Variants in ASIC2 observed in about 807,000 individuals in gnomAD.
The protein encoded by ASIC2 is acid sensing ion channel subunit 2, also known as acid-sensing ion channel 2.
A neutral mutation model predicts 57.3 loss-of-function variants in ASIC2; 25 were observed. That is an observed-to-expected ratio of 0.44 (90% CI 0.32 to 0.61). The LOEUF (loss-of-function observed/expected upper bound fraction) is 0.61. Among genes scored for constraint, ASIC2 ranks in the 20% least tolerant of loss-of-function variants. The probability of loss-of-function intolerance (pLI) is 0.06; values close to 1 mark genes in which losing one functional copy is unlikely to be tolerated. For missense variants in ASIC2, 641 were observed against 738.1 expected, an observed-to-expected ratio of 0.87 and a Z score of 1.52; for synonymous variants, 319 against 307.5, an observed-to-expected ratio of 1.04 and a Z score of -0.39.
At chr17:33,129,619 T>C (rs1384471348) in intron 1 of ASIC2, among the ~76,000 whole-genome samples, 4 of 152,148 alleles carry the variant, frequency 2.6e-5, no homozygotes, top group Non-Finnish European at 5.9e-5. Flanking sequence ...TTGTGTAGGG[T>C]AAACATACCT....
At chr17:34,099,509 GAA>G (rs757672081) in intron 1 of ASIC2, among the ~76,000 whole-genome samples, 22 of 119,710 alleles carry the variant, frequency 1.8e-4, no homozygotes, top group Non-Finnish European at 2.9e-4. Context: ...AAAGAGGAAA[GAA>G]GAGAAAGAAA....
chr17:33,741,313 A>T (rs1000354339), intron 1 of ASIC2, among the ~76,000 whole-genome samples: 1 of 152,204 alleles, frequency 6.6e-6, no homozygotes, highest in South Asian at 2.1e-4. Context: ...GTCACTGACT[A>T]TCTCTGGGCA....
At chr17:33,072,433 A>C (rs2092073029) in intron 3 of ASIC2, among the ~76,000 whole-genome samples, 1 of 152,128 alleles carries the variant, frequency 6.6e-6, no homozygotes, top group South Asian at 2.1e-4. Context: ...GGCCATCTCA[A>C]TAACAGGCTA....
intron 1 of ASIC2, among the ~76,000 whole-genome samples, chr17:33,128,443 G>A (rs1006093628): frequency 4.6e-5 from 7 of 152,232 alleles, no homozygotes; most frequent in African/African-American, 1.7e-4. Flanking sequence ...TCACTGGGAA[G>A]CAGAATGGGG....
At chr17:33,722,715 A>C (rs1341201967) in intron 1 of ASIC2, among the ~76,000 whole-genome samples, 1 of 152,178 alleles carries the variant, frequency 6.6e-6, no homozygotes, top group Non-Finnish European at 1.5e-5. Context: ...GTGAGCTATG[A>C]TTGTGCCATT....
At chr17:33,274,497 G>C (rs962916327) in intron 1 of ASIC2, among the ~76,000 whole-genome samples, 1 of 152,194 alleles carries the variant, frequency 6.6e-6, no homozygotes, top group Admixed American at 6.5e-5. Context: ...ATAATTGATA[G>C]CAAAAATCTA....
At chr17:33,699,535 C>T (rs1270374469) in intron 1 of ASIC2, among the ~76,000 whole-genome samples, 1 of 152,182 alleles carries the variant, frequency 6.6e-6, no homozygotes, top group East Asian at 1.9e-4. Context: ...AGAATAGCAA[C>T]ATAATATTTA....
chr17:33,651,224 G>C (rs960396243), intron 1 of ASIC2, among the ~76,000 whole-genome samples: 3 of 152,276 alleles, frequency 2.0e-5, no homozygotes, highest in Admixed American at 1.3e-4. Flanking sequence ...TAAGTGTATT[G>C]TGCCACTGTC....
rs769854799 is a variant in ASIC2, at chr17:33,028,234, G to A, written c.1138+8C>T. On this transcript the variant is annotated splice_region_variant and intron_variant, in intron 4 of 9. Transcript: ENST00000225823. ...AGGGCCCTGTGGCCACCCTGCCCTG[G>A]CACTGACCTGGCATGTGAACCATGC... is the stretch of plus-strand genomic sequence containing the variant. 1.7e-5 allele frequency: 27 copies of A among 1,613,454 alleles called. No homozygotes were observed. The highest frequency in any genetic ancestry group is 2.0e-5 in the Non-Finnish European group (24 of 1,179,896).
chr17:34,003,076 T>A (rs1906399308), intron 1 of ASIC2: 1 of 152,210 alleles, frequency 6.6e-6, no homozygotes, highest in South Asian at 2.1e-4. Flanking sequence ...TGGTTGTGGG[T>A]CAGAGTTTAT....
chr17:33,786,800 T>C (rs1038341085), intron 1 of ASIC2, among the ~76,000 whole-genome samples: 1 of 152,044 alleles, frequency 6.6e-6, no homozygotes, highest in African/African-American at 2.4e-5. Flanking sequence ...GTACTACAAG[T>C]CACCCCTCAG....
At chr17:34,075,394 C>T (rs2142072680) in intron 1 of ASIC2, among the ~76,000 whole-genome samples, 1 of 152,338 alleles carries the variant, frequency 6.6e-6, no homozygotes, top group South Asian at 2.1e-4. Context: ...CTTTCCGAGA[C>T]ACAGTTTCCC....
chr17:33,229,328 A>G (rs1368374734), intron 1 of ASIC2, among the ~76,000 whole-genome samples: 2 of 152,206 alleles, frequency 1.3e-5, no homozygotes, highest in African/African-American at 4.8e-5. Context: ...TATTTATTCA[A>G]AAAACACCAC....
At chr17:33,893,223 T>A (rs1211205176) in intron 1 of ASIC2, among the ~76,000 whole-genome samples, 2 of 152,144 alleles carry the variant, frequency 1.3e-5, no homozygotes, top group Non-Finnish European at 2.9e-5. Context: ...GAGGGAGCTG[T>A]TTCCAGGATT....
chr17:33,542,995 A>G (rs1167584646), intron 1 of ASIC2, among the ~76,000 whole-genome samples: 1 of 151,764 alleles, frequency 6.6e-6, no homozygotes, highest in Non-Finnish European at 1.5e-5. Context: ...AGGGACATGG[A>G]TGAAATTGGA....
chr17:33,078,722 C>A (rs1418368449), intron 3 of ASIC2, among the ~76,000 whole-genome samples: 1 of 152,142 alleles, frequency 6.6e-6, no homozygotes, highest in African/African-American at 2.4e-5. Flanking sequence ...GCCACCACAC[C>A]CAGCCAGCTA....
At chr17:33,019,703 T>C (rs931700479) in intron 7 of ASIC2, among the ~76,000 whole-genome samples, 2 of 152,104 alleles carry the variant, frequency 1.3e-5, no homozygotes, top group Admixed American at 1.3e-4. Context: ...CCGGCTATTC[T>C]GGATGGGAAC....
chr17:33,748,997 G>A (rs567148888), intron 1 of ASIC2, among the ~76,000 whole-genome samples: 160 of 152,238 alleles, frequency 1.1e-3, no homozygotes, highest in Non-Finnish European at 1.8e-3. Flanking sequence ...GGGGGCCCTC[G>A]GCACAGCCTA....
intron 1 of ASIC2, among the ~76,000 whole-genome samples, chr17:33,733,614 G>T (rs914913008): frequency 6.6e-6 from 1 of 152,124 alleles, no homozygotes; most frequent in African/African-American, 2.4e-5. Flanking sequence ...TTAGATACAT[G>T]ACTTATCTCT....
Sources: allele counts gnomAD v4.1 joint callset (sites outside exome capture counted in the v4.1 genomes callset), GRCh38; gene constraint gnomAD v4.1.1; transcripts MANE v1.5; gene names NCBI Gene and HGNC (gene_info 2026-07-23, HGNC 2026-07-21).